Variants in IQSEC2 observed in about 807,000 individuals in gnomAD.
IQSEC2 encodes the protein IQ motif and SEC7 domain-containing protein 2.
A neutral mutation model predicts 74.6 loss-of-function variants in IQSEC2; 6 were observed. That is an observed-to-expected ratio of 0.08 (90% CI 0.04 to 0.16). The LOEUF is 0.16. Ranked by LOEUF, IQSEC2 falls within the 10% of genes least tolerant of loss-of-function variation. IQSEC2 has a pLI of 1.00. For synonymous variants in IQSEC2, 494 were observed against 544.5 expected, an observed-to-expected ratio of 0.91 and a Z score of 1.29; for missense variants, 734 against 1,306.2, an observed-to-expected ratio of 0.56 and a Z score of 6.75.
intron 2 of IQSEC2, among the ~76,000 whole-genome samples, chrX:53,274,745 G>T (rs1556869183): frequency 9.0e-6 from 1 of 110,932 alleles, no homozygotes; most frequent in Non-Finnish European, 1.9e-5. Context: ...ACAGGCATGA[G>T]CCACCGCACC....
chrX:53,236,283 C>T (rs782365279), intron 13 of IQSEC2, 39 bp downstream of exon 13: 5 of 1,182,884 alleles, frequency 4.2e-6, no homozygotes, highest in Admixed American at 2.3e-5. Context: ...CACCCGGTCC[C>T]GTGTCTCCCC....
chrX:53,237,237 G>A (rs1303548653), intron 12 of IQSEC2, among the ~76,000 whole-genome samples: 1 of 111,394 alleles, frequency 9.0e-6, no homozygotes, highest in Non-Finnish European at 1.9e-5. Flanking sequence ...GGGTGCTTCC[G>A]GCCTCCTACA....
rs376936479 is a variant in IQSEC2, at chrX:53,294,820, A to G, written c.708-2896T>C. 8.1e-4 allele frequency among the ~76,000 whole-genome samples: 89 copies of G among 110,376 alleles called. No homozygotes were observed. The South Asian group carries it at 0.02, about 25-fold the overall frequency. On this transcript the variant is annotated intron_variant, in intron 1 of 14. Coordinates refer to ENST00000642864, the MANE Select transcript of IQSEC2 (RefSeq NM_001111125.3). ...CAGCCTTTTATTTATTTATTTATTT[A>G]TTTGTTTGTTTGTTTATTTAGAGAC...
rs1426234812 is a variant in IQSEC2, at chrX:53,251,180, CA to C, written c.1402-7del. ...GATTCAGCCAGAGACTTTACCTGTGCAAGGGGGGGAGGAGAGGAGGGAAAGG... is the reference window on the plus strand; with the variant it reads ...GATTCAGCCAGAGACTTTACCTGTGCAGGGGGGGAGGAGAGGAGGGAAAGG... On this transcript the variant is annotated splice_polypyrimidine_tract_variant and splice_region_variant and intron_variant, in intron 4 of 14. Transcript: ENST00000642864. 8.3e-7 allele frequency: 1 copy of C among 1,203,331 alleles called. No individual in the cohort carries two copies.
rs2074912613 is a variant in IQSEC2 at position 53,279,728 on chromosome X, C to CAA, written c.737+12166_737+12167insTT. The CAA allele has an allele frequency of 4.9e-6, 3 of 617,720 alleles. No individual in the cohort carries two copies. The Admixed American group carries it at 8.3e-5, about 17-fold the overall frequency. 50.9% of individuals were successfully genotyped at this position (617,720 alleles called of 1,213,427 possible). The stretch of plus-strand genomic sequence containing the variant: ...GGAGGGAGGGAAGTGGCAGGGTGGG[C>CAA]GATGGGGGCAAGAAGGTGAGAGTGA... On this transcript the variant is annotated intron_variant, in intron 2 of 14. Transcript: ENST00000642864.
intron 2 of IQSEC2, among the ~76,000 whole-genome samples, chrX:53,287,768 A>G (rs2075047600): frequency 8.9e-6 from 1 of 112,685 alleles, no homozygotes; most frequent in Admixed American, 9.3e-5. Context: ...CCAGGCACTC[A>G]GCCAGCTTAG....
chrX:53,297,635 G>A (rs2075166797), intron 1 of IQSEC2, among the ~76,000 whole-genome samples: 1 of 111,710 alleles, frequency 9.0e-6, no homozygotes, highest in Non-Finnish European at 1.9e-5. Context: ...CCTGATTACT[G>A]TCCATTATTT....
intron 1 of IQSEC2, among the ~76,000 whole-genome samples, chrX:53,308,820 G>T (rs112495440): frequency 6.4e-5 from 7 of 110,200 alleles, no homozygotes; most frequent in Non-Finnish European, 1.1e-4. Context: ...GGGAGGGGCC[G>T]GGCGCAGTGG....
intron 13 of IQSEC2, 43 bp from the exon 14 acceptor site, chrX:53,235,875 C>A (rs1478707821): frequency 1.8e-6 from 2 of 1,132,225 alleles, no homozygotes; most frequent in Non-Finnish European, 2.4e-6. Context: ...GCAGCAACCC[C>A]CCCCCTACCC....
chrX:53,266,444 G>A (rs2074657808), intron 2 of IQSEC2: 1 of 753,706 alleles, frequency 1.3e-6, no homozygotes, highest in African/African-American at 2.3e-5. Flanking sequence ...AGGGCATGGG[G>A]TGAGGCCTTC....
At chrX:53,280,976 G>C (rs1469499099) in intron 2 of IQSEC2, among the ~76,000 whole-genome samples, 3 of 112,485 alleles carry the variant, frequency 2.7e-5, no homozygotes, top group Admixed American at 9.3e-5. Flanking sequence ...GGCCAGGCCA[G>C]CTGCGAATTT....
chrX:53,256,648 T>C (rs1602294996), intron 2 of IQSEC2, among the ~76,000 whole-genome samples: 1 of 111,817 alleles, frequency 8.9e-6, no homozygotes, highest in Non-Finnish European at 1.9e-5. Context: ...GCCTGGCCCC[T>C]GCCCCCTGGT....
intron 2 of IQSEC2, among the ~76,000 whole-genome samples, chrX:53,272,135 C>G (rs376990951): frequency 9.0e-6 from 1 of 110,506 alleles, no homozygotes; most frequent in South Asian, 3.9e-4. Context: ...TAAGACCCAG[C>G]TCTTAGGCTG....
At chrX:53,263,464 G>A (rs897547896) in intron 2 of IQSEC2, among the ~76,000 whole-genome samples, 2 of 110,897 alleles carry the variant, frequency 1.8e-5, no homozygotes, top group Non-Finnish European at 3.8e-5. Flanking sequence ...AATCTGGCCT[G>A]TCTCCCCACC....
In IQSEC2 at chrX:53,242,072, C is replaced by T. The variant is rs2074231028; in HGVS notation, c.2890-163G>A. ...AGACCTAAACTTATCTGCTACCTTGCCTTTGCCCTTCTGTCTGGAATGTCT... is the reference window on the plus strand; with the variant it reads ...AGACCTAAACTTATCTGCTACCTTGTCTTTGCCCTTCTGTCTGGAATGTCT... On this transcript the variant is annotated intron_variant, in intron 9 of 14. Transcript: ENST00000642864. 2.7e-5 allele frequency among the ~76,000 whole-genome samples: 3 copies of T among 112,063 alleles called. No individual in the cohort carries two copies. In the Admixed American group the frequency reaches 2.8e-4, roughly 11 times the overall value.
At chrX:53,277,389 T>A (rs2074852384) in intron 2 of IQSEC2, among the ~76,000 whole-genome samples, 1 of 109,916 alleles carries the variant, frequency 9.1e-6, no homozygotes, top group Non-Finnish European at 1.9e-5. Context: ...TTATTTTTTA[T>A]TTTTTATTTT....
At chrX:53,257,818 T>C (rs1260090311) in intron 2 of IQSEC2, among the ~76,000 whole-genome samples, 2 of 112,122 alleles carry the variant, frequency 1.8e-5, no homozygotes, top group Non-Finnish European at 3.8e-5. Context: ...GACAACCGTA[T>C]GAGGTAGGTA....
chrX:53,317,611 C>G (rs782737892), intron 1 of IQSEC2, among the ~76,000 whole-genome samples: 22 of 112,073 alleles, frequency 2.0e-4, no homozygotes, highest in African/African-American at 4.2e-4. Context: ...CGGGGCCCCC[C>G]CAACAAGCTG....
intron 2 of IQSEC2, among the ~76,000 whole-genome samples, chrX:53,275,160 C>CT (rs1189153076): frequency 7.3e-5 from 8 of 109,328 alleles, no homozygotes; most frequent in Admixed American, 9.8e-5. Flanking sequence ...ACTTTTATGG[C>CT]TTTTTTTTTC....
Sources: gnomAD v4.1 joint callset for allele counts (sites outside exome capture counted in the v4.1 genomes callset) on GRCh38, gnomAD v4.1.1 for gene constraint, MANE v1.5 for transcripts, NCBI Gene and HGNC (gene_info 2026-07-23, HGNC 2026-07-21) for gene names.